RNF157: variants seen among roughly 807,000 people sequenced by gnomAD.
RNF157 encodes the protein E3 ubiquitin ligase RNF157.
RNF157 carries 55 observed loss-of-function variants against 88.3 expected under a neutral mutation model. That is an observed-to-expected ratio of 0.62 (90% CI 0.50 to 0.78). The LOEUF is 0.78. Ranked by LOEUF, RNF157 falls within the 30% of genes least tolerant of loss-of-function variation. The pLI is 0.00. For missense variants in RNF157, 788 were observed against 860.8 expected, an observed-to-expected ratio of 0.92 and a Z score of 1.06; for synonymous variants, 334 against 341.2, an observed-to-expected ratio of 0.98 and a Z score of 0.23.
chr17:76,223,125 C>T (rs1442769716), intron 1 of RNF157, among the ~76,000 whole-genome samples: 6 of 151,344 alleles, frequency 4.0e-5, no homozygotes, highest in Non-Finnish European at 2.9e-5. Flanking sequence ...CTCCTGACCT[C>T]GTGATCCGCC....
chr17:76,159,982 T>C (rs2068823851), intron 11 of RNF157, among the ~76,000 whole-genome samples: 1 of 152,210 alleles, frequency 6.6e-6, no homozygotes, highest in African/African-American at 2.4e-5. Flanking sequence ...TATTTTATTA[T>C]ACTTTCCTCT....
At chr17:76,236,667 T>G (rs2070287372) in intron 1 of RNF157, among the ~76,000 whole-genome samples, 1 of 152,176 alleles carries the variant, frequency 6.6e-6, no homozygotes, top group Admixed American at 6.5e-5. Flanking sequence ...ATGCATAACA[T>G]TATTCATTGT....
chr17:76,149,903 G>A (rs1000207778), intron 18 of RNF157, among the ~76,000 whole-genome samples: 14 of 151,970 alleles, frequency 9.2e-5, no homozygotes, highest in East Asian at 1.9e-4. Flanking sequence ...GCGTGGTGGC[G>A]GGCGCCTGTA....
rs1449418413 is a variant in RNF157, at chr17:76,161,358, T to C, written c.1065+177A>G. ...AGGAGGAAAAGGGAGGTTTTCAGTATTCAATTTTCCACAGTAATAAGTTGG... is the reference window on the plus strand; with the variant it reads ...AGGAGGAAAAGGGAGGTTTTCAGTACTCAATTTTCCACAGTAATAAGTTGG... On this transcript the variant is annotated intron_variant, in intron 11 of 18. Coordinates refer to ENST00000269391, the MANE Select transcript of RNF157 (RefSeq NM_052916.3). This position sits in a 1 kb window ranked among gnomAD's most constrained non-coding sequence, Gnocchi z 4.6. Among the ~76,000 whole-genome samples, 3 of 152,136 alleles carry C rather than the reference T, an allele frequency of 2.0e-5. No homozygotes were observed. Among genetic ancestry groups the C allele is most frequent in the Non-Finnish European group, 4.4e-5 (3 of 68,034 alleles).
chr17:76,222,318 G>C (rs2069998250), intron 1 of RNF157, among the ~76,000 whole-genome samples: 1 of 150,406 alleles, frequency 6.6e-6, no homozygotes, highest in Admixed American at 6.7e-5. Context: ...CTGCACTCCA[G>C]CCTGGGTGAC....
chr17:76,224,510 A>G (rs4789253), intron 1 of RNF157, among the ~76,000 whole-genome samples: 20,523 of 152,100 alleles, frequency 0.13, 2,024 homozygotes, highest in African/African-American at 0.26. Flanking sequence ...GATCACAAAA[A>G]TAAGAAGAAA....
chr17:76,161,258 T>C lies in RNF157; in HGVS notation c.1065+277A>G. ...TTGTTTCTGCCTGGGGGAGTTCAAG[T>C]TGAACCTCACTGGAGTGAAACTGCA... On this transcript the variant is annotated intron_variant, in intron 11 of 18. Coordinates refer to ENST00000269391, the MANE Select transcript of RNF157 (RefSeq NM_052916.3). This position sits in a 1 kb window ranked among gnomAD's most constrained non-coding sequence, Gnocchi z 4.6. Among the ~76,000 whole-genome samples the C allele has an allele frequency of 6.6e-6, 1 of 152,128 alleles. No individual in the cohort carries two copies. Among genetic ancestry groups the C allele is most frequent in the Admixed American group, 6.6e-5 (1 of 15,264 alleles).
At chr17:76,178,413 C>A (rs2069138086) in intron 2 of RNF157, among the ~76,000 whole-genome samples, 1 of 152,262 alleles carries the variant, frequency 6.6e-6, no homozygotes, top group Admixed American at 6.5e-5. Flanking sequence ...GCTGGCGTGT[C>A]TGACTGCACA....
chr17:76,153,028 GT>G (rs1160328543), intron 17 of RNF157: 2 of 152,352 alleles, frequency 1.3e-5, no homozygotes, highest in Non-Finnish European at 2.9e-5. Flanking sequence ...TTTTCAGTGT[GT>G]TTTAAGTGGC....
intron 18 of RNF157, among the ~76,000 whole-genome samples, chr17:76,148,291 G>T (rs560879433): frequency 6.3e-5 from 9 of 143,758 alleles, no homozygotes; most frequent in African/African-American, 1.8e-4. Context: ...TTGAGACAGG[G>T]TCTCTTGCTC....
rs372842357 is a variant in RNF157, at chr17:76,155,236, G to C, written c.1764+16C>G. ...GGTTGTGGGAAGGGGGCACCACTCC[G>C]TGCTGTTGGGGTTACCTCTGCATCC... On this transcript the variant is annotated intron_variant, in intron 16 of 18. Coordinates refer to ENST00000269391, the MANE Select transcript of RNF157 (RefSeq NM_052916.3). 2 of 1,612,300 alleles carry C rather than the reference G, an allele frequency of 1.2e-6. No individual in the cohort carries two copies. The highest frequency in any genetic ancestry group is 1.7e-6 in the Non-Finnish European group (2 of 1,178,340).
At chr17:76,172,087 A>G (rs1280516175) in intron 3 of RNF157, among the ~76,000 whole-genome samples, 1 of 152,174 alleles carries the variant, frequency 6.6e-6, no homozygotes. Flanking sequence ...ACCTCCTTGA[A>G]TCTCTCCTCC....
intron 1 of RNF157, among the ~76,000 whole-genome samples, chr17:76,234,412 C>T (rs1260818678): frequency 1.3e-5 from 2 of 152,126 alleles, no homozygotes; most frequent in African/African-American, 4.8e-5. Context: ...ACTGCTGAGT[C>T]ATCTAGTAAC....
chr17:76,202,419 TTC>T (rs1238576287), intron 2 of RNF157, among the ~76,000 whole-genome samples: 1 of 152,230 alleles, frequency 6.6e-6, no homozygotes, highest in African/African-American at 2.4e-5. Flanking sequence ...TCATTTTATT[TTC>T]TGTTTTTTAG....
chr17:76,240,335 G>T lies in RNF157; in HGVS notation c.-95C>A. ...CCGCCCCGCGCCCGGTGCGGGGGCC[G>T]ACTGCCCGCCGCGGCCGGCTCCGCT... On this transcript the variant is annotated 5_prime_UTR_variant, in exon 1 of 19. Coordinates refer to ENST00000269391, the MANE Select transcript of RNF157 (RefSeq NM_052916.3). The surrounding 1 kb of genome is among the most constrained non-coding windows in gnomAD (Gnocchi z 4.4). 1 of 468,302 alleles carries T rather than the reference G, an allele frequency of 2.1e-6. No individual in the cohort carries two copies. Among genetic ancestry groups the T allele is most frequent in the Non-Finnish European group, 2.8e-6 (1 of 360,622 alleles). The allele number at this position is 468,302 out of a possible 1,614,324, so 29.0% of individuals were successfully genotyped here. A position where few individuals can be genotyped will look rare whatever the true frequency, so the allele number is the denominator to read the frequency against.
rs1038574605 is a variant in RNF157, at chr17:76,146,820, C to T, written c.1922-1467G>A. The stretch of plus-strand genomic sequence containing the variant: ...GGAGGACCTGTTCAGCGGACAAGGC[C>T]GACCAACTGTAGAGTGTGGCCGTGA... On this transcript the variant is annotated intron_variant, in intron 18 of 18. Coordinates refer to ENST00000269391, the MANE Select transcript of RNF157 (RefSeq NM_052916.3). This position sits in a 1 kb window ranked among gnomAD's most constrained non-coding sequence, Gnocchi z 4.2. The T allele has an allele frequency of 3.0e-5, 30 of 985,268 alleles. No individual in the cohort carries two copies. The highest frequency in any genetic ancestry group is 6.2e-5 in the Admixed American group (1 of 16,260). 61.0% of individuals were successfully genotyped at this position (985,268 alleles called of 1,614,324 possible).
chr17:76,212,309 T>C, intron 2 of RNF157, 55 bp downstream of exon 2: 1 of 1,235,972 alleles, frequency 8.1e-7, no homozygotes, highest in Non-Finnish European at 1.2e-6. Context: ...TTTTGTTACA[T>C]TTTTTGAATT....
At chr17:76,188,164 T>C (rs1400495395) in intron 2 of RNF157, among the ~76,000 whole-genome samples, 1 of 152,212 alleles carries the variant, frequency 6.6e-6, no homozygotes, top group Non-Finnish European at 1.5e-5. Context: ...ATGCAGTGGC[T>C]AGAACTTTAG....
At position 76,152,435 on chromosome 17, in the gene RNF157, T is replaced by G; in HGVS notation, c.1841A>C (p.Glu614Ala). 6.2e-7 allele frequency: 1 copy of G among 1,613,588 alleles called. No individual in the cohort carries two copies. Among genetic ancestry groups the G allele is most frequent in the Non-Finnish European group, 8.5e-7 (1 of 1,179,512 alleles). The change falls in exon 18 of 19, where the codon GAG (glutamate) becomes GCG (alanine). Residue 614 changes from glutamate to alanine, a missense_variant. Coordinates refer to ENST00000269391, the MANE Select transcript of RNF157 (RefSeq NM_052916.3). ...GTCAAAGTCATTGTTATTGTCACACTCCATACCTAGAAATGCGCACGTCCT... is the reference window on the plus strand; with the variant it reads ...GTCAAAGTCATTGTTATTGTCACACGCCATACCTAGAAATGCGCACGTCCT... ...GQRTCAFLGMECDNNNDFDIA... is the reference protein window; with the variant it reads ...GQRTCAFLGMACDNNNDFDIA...
Sources: allele counts gnomAD v4.1 joint callset (sites outside exome capture counted in the v4.1 genomes callset), GRCh38; gene constraint gnomAD v4.1.1; non-coding constraint Gnocchi (gnomAD v3.1); transcripts MANE v1.5; gene names NCBI Gene and HGNC (gene_info 2026-07-23, HGNC 2026-07-21).